CDC42SE2: variants seen among roughly 807,000 people sequenced by gnomAD.
The protein encoded by CDC42SE2 is CDC42 small effector 2.
A neutral mutation model predicts 11.5 loss-of-function variants in CDC42SE2; 3 were observed. The observed-to-expected ratio is 0.26, with a 90% CI of 0.12 to 0.67. CDC42SE2 has a LOEUF of 0.67. Ranked by LOEUF, CDC42SE2 falls within the 30% of genes least tolerant of loss-of-function variation. The probability of loss-of-function intolerance (pLI) is 0.80; values close to 1 mark genes in which losing one functional copy is unlikely to be tolerated. For synonymous variants in CDC42SE2, 33 were observed against 34.8 expected (o/e 0.95, Z 0.18); for missense variants, 82 against 106.8 (o/e 0.77, Z 1.02).
intron 2 of CDC42SE2, among the ~76,000 whole-genome samples, chr5:131,348,479 A>T (rs1356163439): frequency 6.6e-6 from 1 of 152,304 alleles, no homozygotes; most frequent in East Asian, 1.9e-4. Context: ...CCATTGCTCA[A>T]TGAAATAAAA....
chr5:131,267,978 C>T (rs993300443), intron 1 of CDC42SE2, among the ~76,000 whole-genome samples: 7 of 150,092 alleles, frequency 4.7e-5, no homozygotes, highest in Non-Finnish European at 7.4e-5. Flanking sequence ...ATGTTTTAGT[C>T]AGTCTCAGGG....
At chr5:131,301,091 A>G (rs138754998) in intron 1 of CDC42SE2, among the ~76,000 whole-genome samples, 52 of 152,330 alleles carry the variant, frequency 3.4e-4, no homozygotes, top group African/African-American at 1.2e-3. Flanking sequence ...TTGACCATAC[A>G]CAAAATACAC....
chr5:131,247,329 T>C (rs931458646), intron 1 of CDC42SE2, among the ~76,000 whole-genome samples: 2 of 152,182 alleles, frequency 1.3e-5, no homozygotes, highest in Non-Finnish European at 2.9e-5. Context: ...ATATTAAAAA[T>C]GTAAAACAGC....
chr5:131,286,408 T>TC (rs397737258), intron 1 of CDC42SE2, among the ~76,000 whole-genome samples: 1 of 149,074 alleles, frequency 6.7e-6, no homozygotes, highest in African/African-American at 2.5e-5. Flanking sequence ...TTTTTTTTTT[T>TC]AAATAAAGCA....
At chr5:131,213,635 G>C in the CDC42SE2 span, among the ~76,000 whole-genome samples, 1 of 152,008 alleles carries the variant, frequency 6.6e-6, no homozygotes, top group African/African-American at 2.4e-5. Flanking sequence ...TAGTTTTGTA[G>C]AGACAGGGTC....
intron 1 of CDC42SE2, among the ~76,000 whole-genome samples, chr5:131,294,732 C>T (rs923414938): frequency 3.3e-5 from 5 of 152,162 alleles, no homozygotes; most frequent in Non-Finnish European, 7.3e-5. Flanking sequence ...TGGCTCACGC[C>T]TGTAATTCCA....
At chr5:131,299,245 T>C (rs1373480164) in intron 1 of CDC42SE2, among the ~76,000 whole-genome samples, 1 of 152,204 alleles carries the variant, frequency 6.6e-6, no homozygotes, top group Non-Finnish European at 1.5e-5. Context: ...TGATCAGACA[T>C]TCATTTTAGA....
intron 1 of CDC42SE2, among the ~76,000 whole-genome samples, chr5:131,298,745 T>G (rs1175235462): frequency 6.6e-6 from 1 of 152,184 alleles, no homozygotes; most frequent in African/African-American, 2.4e-5. Flanking sequence ...TACAAATCTT[T>G]GAAGGCTGTC....
At chr5:131,323,812 C>T (rs539586966) in intron 2 of CDC42SE2, among the ~76,000 whole-genome samples, 120 of 151,936 alleles carry the variant, frequency 7.9e-4, no homozygotes, top group Non-Finnish European at 1.5e-3. Context: ...ATAGGTTTAT[C>T]TTTATGGTCT....
chr5:131,283,437 T>C (rs1028347484), intron 1 of CDC42SE2, among the ~76,000 whole-genome samples: 5 of 152,206 alleles, frequency 3.3e-5, no homozygotes, highest in African/African-American at 1.2e-4. Flanking sequence ...GTGTCTGGCT[T>C]TTTTCATTTA....
At position 131,393,351 on chromosome 5, in the gene CDC42SE2, G is replaced by A. The variant is rs545508128; in HGVS notation, c.*2260G>A. 1.2e-4 allele frequency: 19 copies of A among 152,360 alleles called. No homozygotes were observed. The highest frequency in any genetic ancestry group is 3.3e-4 in the Admixed American group (5 of 15,290). The allele number at this position is 152,360 out of a possible 1,614,324, so 9.4% of individuals were successfully genotyped here. ...TAAAATTTAATTTACCCAGTACAGC[G>A]GGGCACCAGATTACTTGATCTTTGT... On this transcript the variant is annotated 3_prime_UTR_variant, in exon 5 of 5. Transcript: ENST00000505065.
chr5:131,344,730 C>G (rs1758798358), intron 2 of CDC42SE2, among the ~76,000 whole-genome samples: 4 of 152,232 alleles, frequency 2.6e-5, no homozygotes, highest in Admixed American at 2.6e-4. Context: ...CCCGAGTAGC[C>G]TAACTGGGAG....
intron 1 of CDC42SE2, among the ~76,000 whole-genome samples, chr5:131,294,538 G>A: frequency 6.6e-6 from 1 of 152,156 alleles, no homozygotes; most frequent in East Asian, 1.9e-4. Context: ...ATGTAGACAA[G>A]CAACAAATGA....
chr5:131,353,575 C>T (rs1221550286), intron 2 of CDC42SE2, among the ~76,000 whole-genome samples: 1 of 152,154 alleles, frequency 6.6e-6, no homozygotes, highest in Non-Finnish European at 1.5e-5. Context: ...AGCCATCATG[C>T]CCGGCCTACT....
the CDC42SE2 span, among the ~76,000 whole-genome samples, chr5:131,215,330 G>A: frequency 1.8e-4 from 27 of 152,304 alleles, no homozygotes; most frequent in African/African-American, 4.3e-4. Flanking sequence ...ACAGATACTC[G>A]TTTTAGCTAG....
rs531965081 is a variant in CDC42SE2, at chr5:131,385,135, T to C, written c.55-408T>C. Among the ~76,000 whole-genome samples the C allele has an allele frequency of 4.6e-5, 7 of 152,244 alleles. No individual in the cohort carries two copies. The South Asian group carries it at 1.5e-3, about 32-fold the overall frequency. The stretch of plus-strand genomic sequence containing the variant: ...ATAATCTGAATAATAACCATCAAAA[T>C]ATAATACATCTGTTAATGATGAAAG... On this transcript the variant is annotated intron_variant, in intron 3 of 4. Coordinates refer to ENST00000505065, the MANE Select transcript of CDC42SE2 (RefSeq NM_001375635.1).
At chr5:131,373,936 T>C (rs1319314080) in intron 3 of CDC42SE2, among the ~76,000 whole-genome samples, 1 of 151,776 alleles carries the variant, frequency 6.6e-6, no homozygotes, top group African/African-American at 2.4e-5. Flanking sequence ...TATAAAGAAA[T>C]GTAAAGTAGA....
At chr5:131,278,758 TCCTCTCCCCTCTCC>T (rs1757165781) in intron 1 of CDC42SE2, among the ~76,000 whole-genome samples, 1 of 3,112 alleles carries the variant, frequency 3.2e-4, no homozygotes, top group Non-Finnish European at 5.1e-4. Context: ...CCCTCCCCTC[TCCTCTCCCCTCTCC>T]TCTCTTCTCC....
intron 3 of CDC42SE2, 101 bp downstream of exon 3, chr5:131,359,648 T>C: frequency 1.2e-6 from 1 of 827,080 alleles, no homozygotes; most frequent in East Asian, 2.4e-5. Context: ...TGCAAAGCAG[T>C]TGTAGAGAAT....
Sources: gnomAD v4.1 joint callset for allele counts (sites outside exome capture counted in the v4.1 genomes callset) on GRCh38, gnomAD v4.1.1 for gene constraint, MANE v1.5 for transcripts, NCBI Gene and HGNC (gene_info 2026-07-23, HGNC 2026-07-21) for gene names.